The following DLC1 variants were observed in gnomAD, a reference collection of about 807,000 sequenced individuals.
The protein encoded by DLC1 is DLC1 Rho GTPase activating protein.
In DLC1, 54 loss-of-function variants were observed where a neutral mutation model predicts 140.3. The ratio of observed to expected loss-of-function variants is 0.38; its 90% CI spans 0.31 to 0.48. The LOEUF is 0.48. Among genes scored for constraint, DLC1 ranks in the 20% least tolerant of loss-of-function variants. DLC1 has a pLI of 0.96. For synonymous variants in DLC1, 986 were observed against 728.1 expected (o/e 1.35, Z -5.70); for missense variants, 2,536 against 1,907.0 (o/e 1.33, Z -6.14).
chr8:13,503,937 G>A (rs1256731946), intron 1 of DLC1, among the ~76,000 whole-genome samples: 1 of 152,074 alleles, frequency 6.6e-6, no homozygotes. Flanking sequence ...AATGGTATTT[G>A]AGGTACAGTT....
rs528805906 is a variant in DLC1 at position 13,201,800 on chromosome 8, A to G, written c.1349-86143T>C. On this transcript the variant is annotated intron_variant, in intron 5 of 17. Coordinates refer to ENST00000276297, the MANE Select transcript of DLC1 (RefSeq NM_182643.3). ...TTTTAAATTTTTATTTTTTTCAAAC[A>G]TTTATTTATTTTATGTTCAGGGGTA... Among the ~76,000 whole-genome samples the G allele has an allele frequency of 2.0e-3, 308 of 151,378 alleles. 1 individual carries two copies. The highest frequency in any genetic ancestry group is 7.3e-3 in the African/African-American group (302 of 41,250).
intron 2 of DLC1, among the ~76,000 whole-genome samples, chr8:13,416,254 T>C (rs1391117797): frequency 1.3e-5 from 2 of 152,210 alleles, no homozygotes; most frequent in Non-Finnish European, 2.9e-5. Flanking sequence ...TATGCAAATA[T>C]CACTCTATAG....
intron 5 of DLC1, among the ~76,000 whole-genome samples, chr8:13,238,635 C>G (rs1300521088): frequency 6.6e-6 from 1 of 152,144 alleles, no homozygotes; most frequent in African/African-American, 2.4e-5. Context: ...CCTTAATCAG[C>G]TCCCCTCCAG....
chr8:13,201,156 A>T (rs1364068753), intron 5 of DLC1, among the ~76,000 whole-genome samples: 1 of 152,030 alleles, frequency 6.6e-6, no homozygotes, highest in Non-Finnish European at 1.5e-5. Context: ...AAAAGCCAAC[A>T]GCCTGTTTCT....
chr8:13,100,619 T>G lies in DLC1; in HGVS notation c.1718A>C (p.Lys573Thr), dbSNP rs767536413. The G allele has an allele frequency of 6.2e-7, 1 of 1,614,030 alleles. No homozygotes were observed. The highest frequency in any genetic ancestry group is 8.5e-7 in the Non-Finnish European group (1 of 1,179,926). Residue 573 changes from lysine (K) to threonine (T), a missense_variant, in exon 9 of 18, where the codon AAG becomes ACG. Transcript: ENST00000276297. Reference protein sequence around the residue: ...VPGSPDDSHPKDGPSPGGTLM... With the variant: ...VPGSPDDSHPTDGPSPGGTLM... Reference sequence around the variant, plus strand: ...CGTGCCTCCGGGGCTGGGGCCGTCCTTCGGGTGGGAGTCGTCTGGGGACCC... The same window carrying G: ...CGTGCCTCCGGGGCTGGGGCCGTCCGTCGGGTGGGAGTCGTCTGGGGACCC...
intron 5 of DLC1, among the ~76,000 whole-genome samples, chr8:13,281,478 C>T (rs148871155): frequency 9.3e-4 from 142 of 152,272 alleles, no homozygotes; most frequent in African/African-American, 3.2e-3. Context: ...TCTGTATCTA[C>T]GCATATAGTT....
intron 5 of DLC1, among the ~76,000 whole-genome samples, chr8:13,182,580 CT>C (rs1438045250): frequency 6.6e-6 from 1 of 152,144 alleles, no homozygotes; most frequent in African/African-American, 2.4e-5. Context: ...AATAGGGAAT[CT>C]TTTCCCCATT....
chr8:13,200,585 T>TTTG (rs950581702), intron 5 of DLC1, among the ~76,000 whole-genome samples: 7 of 152,038 alleles, frequency 4.6e-5, no homozygotes, highest in African/African-American at 9.7e-5. Flanking sequence ...GATTACAATT[T>TTTG]TTGTTGTTGT....
At chr8:13,181,289 G>A (rs1158597306) in intron 5 of DLC1, among the ~76,000 whole-genome samples, 1 of 148,004 alleles carries the variant, frequency 6.8e-6, no homozygotes, top group Non-Finnish European at 1.5e-5. Flanking sequence ...TTACTCAATT[G>A]TCACTGTCTC....
At chr8:13,086,199 G>A (rs1003449414) in intron 17 of DLC1, 91 bp downstream of exon 17, 9 of 1,484,954 alleles carry the variant, frequency 6.1e-6, no homozygotes, top group Admixed American at 4.3e-5. Flanking sequence ...AAAAAATGAC[G>A]TGTTTGTTTA....
At chr8:13,264,522 C>T (rs1318927707) in intron 5 of DLC1, among the ~76,000 whole-genome samples, 1 of 152,024 alleles carries the variant, frequency 6.6e-6, no homozygotes. Context: ...AAATGTGTAA[C>T]GAGTATAAAG....
upstream of DLC1, among the ~76,000 whole-genome samples, chr8:13,518,151 A>C (rs981758131): frequency 6.6e-5 from 10 of 151,798 alleles, no homozygotes; most frequent in Admixed American, 2.6e-4. Context: ...TCTGTTGCCC[A>C]GGCTGGAGTG....
chr8:13,152,722 G>A (rs1351986734), intron 5 of DLC1, among the ~76,000 whole-genome samples: 1 of 148,688 alleles, frequency 6.7e-6, no homozygotes, highest in Non-Finnish European at 1.5e-5. Context: ...TAGCTAAGAT[G>A]GGAACAGCAC....
chr8:13,382,949 T>TA (rs563803442), intron 4 of DLC1, among the ~76,000 whole-genome samples: 16 of 152,260 alleles, frequency 1.1e-4, no homozygotes, highest in South Asian at 1.0e-3. Context: ...TGAGCCCTAA[T>TA]AAGATACATA....
intron 5 of DLC1, among the ~76,000 whole-genome samples, chr8:13,261,017 T>C (rs981735987): frequency 3.9e-5 from 6 of 152,216 alleles, no homozygotes; most frequent in African/African-American, 1.4e-4. Flanking sequence ...GATTAAGTCA[T>C]TCAACAAAGA....
intron 10 of DLC1, 84 bp from the exon 11 acceptor site, chr8:13,095,329 C>A: frequency 6.5e-7 from 1 of 1,547,226 alleles, no homozygotes; most frequent in South Asian, 1.2e-5. Flanking sequence ...CAGGCAAACC[C>A]TGTGGGCTCC....
chr8:13,475,182 C>T (rs1049963683), intron 2 of DLC1, among the ~76,000 whole-genome samples: 1 of 152,010 alleles, frequency 6.6e-6, no homozygotes, highest in Non-Finnish European at 1.5e-5. Context: ...AAATAAGTTT[C>T]TAAATATTGA....
At chr8:13,328,562 G>C (rs1174872051) in intron 4 of DLC1, among the ~76,000 whole-genome samples, 1 of 152,206 alleles carries the variant, frequency 6.6e-6, no homozygotes, top group African/African-American at 2.4e-5. Context: ...ACTAGAGAGA[G>C]TTGTGAAACT....
At chr8:13,555,070 G>T (rs1803994042) in intron 1 of DLC1, among the ~76,000 whole-genome samples, 1 of 152,148 alleles carries the variant, frequency 6.6e-6, no homozygotes, top group South Asian at 2.1e-4. Flanking sequence ...CTCTTAGTCT[G>T]TAACACTTTT....
Sources: allele counts gnomAD v4.1 joint callset (sites outside exome capture counted in the v4.1 genomes callset), GRCh38; gene constraint gnomAD v4.1.1; transcripts MANE v1.5; gene names NCBI Gene and HGNC (gene_info 2026-07-23, HGNC 2026-07-21).